Variants in CALHM4 observed in about 807,000 individuals in gnomAD.
The protein encoded by CALHM4 is calcium homeostasis modulator protein 4.
CALHM4 carries 16 observed loss-of-function variants against 13.3 expected under a neutral mutation model. The ratio of observed to expected loss-of-function variants is 1.20; its 90% CI spans 0.81 to 1.82. The LOEUF is 1.82. Among genes scored for constraint, CALHM4 ranks in the 40% most tolerant of loss-of-function variants. CALHM4 has a pLI of 0.00. For synonymous variants in CALHM4, 127 were observed against 137.1 expected (o/e 0.93, Z 0.52); for missense variants, 344 against 374.9 (o/e 0.92, Z 0.68).
At chr6:116,551,883 G>C (rs529637855), upstream of CALHM4, among the ~76,000 whole-genome samples, 1 of 152,098 alleles carries the variant, frequency 6.6e-6, no homozygotes, top group Non-Finnish European at 1.5e-5. Flanking sequence ...GGTATGGCTA[G>C]TCTTTATTTT....
chr6:116,538,387 G>A (rs1213708885), intron 1 of CALHM4, among the ~76,000 whole-genome samples: 1 of 152,210 alleles, frequency 6.6e-6, no homozygotes, highest in Non-Finnish European at 1.5e-5. Flanking sequence ...CAGCAATGAG[G>A]TTGTATATGC....
chr6:116,533,816 A>T (rs1321472421), intron 1 of CALHM4, among the ~76,000 whole-genome samples: 1 of 152,168 alleles, frequency 6.6e-6, no homozygotes, highest in African/African-American at 2.4e-5. Context: ...CTGGCAGGGC[A>T]TAGAATACCC....
rs781432340 is a variant in CALHM4 at position 116,553,782 on chromosome 6, C to T, written c.-12C>T. The T allele has an allele frequency of 9.1e-6, 14 of 1,544,654 alleles. No homozygotes were observed. The highest frequency in any genetic ancestry group is 1.2e-5 in the Non-Finnish European group (14 of 1,143,406). On this transcript the variant is annotated 5_prime_UTR_variant, in exon 1 of 2. Transcript: ENST00000368596. ...AAGGGCCACAAGCTGATTTGTGTAA[C>T]AGCTTCCCAAGATGTGCCCAACTCT...
intron 1 of CALHM4, among the ~76,000 whole-genome samples, chr6:116,537,585 T>C (rs1259864106): frequency 6.6e-6 from 1 of 152,208 alleles, no homozygotes; most frequent in African/African-American, 2.4e-5. Flanking sequence ...TTTTTTAATC[T>C]GGAGCATTGA....
At position 116,560,728 on chromosome 6, in the gene CALHM4, G is replaced by A. The variant is rs952692633; in HGVS notation, c.*2517G>A. On this transcript the variant is annotated 3_prime_UTR_variant, in exon 2 of 2. Transcript: ENST00000368596. ...AATGAAACTTTTTCATTAAGAACAT[G>A]GTACTCCCTCCCCTTTATGCTTAAT... Among the ~76,000 whole-genome samples, 4 of 151,380 alleles carry A rather than the reference G, an allele frequency of 2.6e-5. No homozygotes were observed. The highest frequency in any genetic ancestry group is 9.7e-5 in the African/African-American group (4 of 41,066).
chr6:116,536,894 T>A (rs1773129131), intron 1 of CALHM4, among the ~76,000 whole-genome samples: 1 of 151,576 alleles, frequency 6.6e-6, no homozygotes, highest in African/African-American at 2.4e-5. Flanking sequence ...CTGAGGAGAG[T>A]TTACAAGGAT....
At chr6:116,542,909 G>A (rs1773550513) in intron 1 of CALHM4, among the ~76,000 whole-genome samples, 2 of 152,016 alleles carry the variant, frequency 1.3e-5, no homozygotes, top group African/African-American at 4.8e-5. Context: ...GTCTGTGGTT[G>A]TGTAAGCATA....
chr6:116,543,995 G>A (rs1773617813), intron 2 of CALHM4: 1 of 845,472 alleles, frequency 1.2e-6, no homozygotes, highest in African/African-American at 1.7e-5. Context: ...AGACAATTTA[G>A]GTTTGGCTTA....
intron 1 of CALHM4, among the ~76,000 whole-genome samples, chr6:116,538,688 T>C (rs2115227122): frequency 6.6e-6 from 1 of 152,214 alleles, no homozygotes; most frequent in Non-Finnish European, 1.5e-5. Flanking sequence ...TGGTCAATGC[T>C]CTACCGCCTT....
chr6:116,544,997 A>C (rs1291066116), intron 2 of CALHM4, among the ~76,000 whole-genome samples: 4 of 152,022 alleles, frequency 2.6e-5, no homozygotes, highest in African/African-American at 9.7e-5. Flanking sequence ...AGAAAGGATG[A>C]TATTACATAC....
At chr6:116,542,404 T>C (rs902520315) in intron 1 of CALHM4, among the ~76,000 whole-genome samples, 4 of 152,110 alleles carry the variant, frequency 2.6e-5, no homozygotes, top group Non-Finnish European at 5.9e-5. Flanking sequence ...CTTTCAATCT[T>C]TATGTTGTCT....
chr6:116,535,733 C>G (rs1188470431), intron 1 of CALHM4, among the ~76,000 whole-genome samples: 1 of 152,150 alleles, frequency 6.6e-6, no homozygotes, highest in Non-Finnish European at 1.5e-5. Flanking sequence ...TACACATTTT[C>G]ATTTAGACCA....
intron 2 of CALHM4, chr6:116,545,685 G>A: frequency 2.2e-6 from 1 of 453,616 alleles, no homozygotes. Context: ...GCTGAAGAGG[G>A]AAAAAAACCA....
chr6:116,541,728 A>C (rs1773476524), intron 1 of CALHM4, among the ~76,000 whole-genome samples: 1 of 152,208 alleles, frequency 6.6e-6, no homozygotes, highest in African/African-American at 2.4e-5. Context: ...ATTAAAAAAT[A>C]TTTCCAGTGT....
chr6:116,554,828 A>C (rs896635185), intron 1 of CALHM4, among the ~76,000 whole-genome samples: 4 of 152,208 alleles, frequency 2.6e-5, no homozygotes, highest in Admixed American at 1.3e-4. Flanking sequence ...AATTATGATG[A>C]AAAATAACTC....
Position 116,553,994 on chromosome 6 carries a change from C to T in CALHM4, c.201C>T (p.Gly67=), listed in dbSNP as rs1244673908. 7 of 1,550,672 alleles carry T rather than the reference C, an allele frequency of 4.5e-6. No individual in the cohort carries two copies. The Admixed American group carries it at 1.4e-4, about 30-fold the overall frequency. ...VIPALILLVA[G]FALRSQMWTI... ...CTGCCTTGATCCTTCTCGTTGCTGG[C>T]TTTGCTCTGAGAAGCCAAATGTGGA... The change falls in exon 1 of 2, where the codon GGC becomes GGT. Residue 67 remains glycine, a synonymous_variant. Transcript: ENST00000368596.
At chr6:116,549,869 G>T (rs371696424), upstream of CALHM4, among the ~76,000 whole-genome samples, 5 of 150,168 alleles carry the variant, frequency 3.3e-5, no homozygotes, top group African/African-American at 1.2e-4. Context: ...CCAACTACTC[G>T]GTAGGCTGAG....
intron 2 of CALHM4, among the ~76,000 whole-genome samples, chr6:116,546,160 G>A (rs1773768600): frequency 6.6e-6 from 1 of 152,176 alleles, no homozygotes; most frequent in Non-Finnish European, 1.5e-5. Flanking sequence ...ATTAAGGAGT[G>A]ATAGAATGGG....
chr6:116,533,463 C>T (rs1221343917), intron 1 of CALHM4, among the ~76,000 whole-genome samples: 1 of 152,242 alleles, frequency 6.6e-6, no homozygotes, highest in African/African-American at 2.4e-5. Flanking sequence ...CCACCTCTTC[C>T]TTCCACCAGA....
Sources: gnomAD v4.1 joint callset for allele counts (sites outside exome capture counted in the v4.1 genomes callset) on GRCh38, gnomAD v4.1.1 for gene constraint, MANE v1.5 for transcripts, NCBI Gene and HGNC (gene_info 2026-07-23, HGNC 2026-07-21) for gene names.